SIPA1L3: variants seen among roughly 807,000 people sequenced by gnomAD.
SIPA1L3 encodes signal-induced proliferation-associated 1-like protein 3.
Under a neutral mutation model 150.1 loss-of-function variants are expected in SIPA1L3, and 59 were observed. The observed-to-expected ratio is 0.39, with a 90% CI of 0.32 to 0.49. The LOEUF (loss-of-function observed/expected upper bound fraction) is 0.49. Ranked by LOEUF, SIPA1L3 falls within the 20% of genes least tolerant of loss-of-function variation. The pLI, the probability that SIPA1L3 is intolerant of heterozygous loss-of-function variation, is 0.86. For synonymous variants in SIPA1L3, 1,070 were observed against 1,077.6 expected, an observed-to-expected ratio of 0.99 and a Z score of 0.14; for missense variants, 2,211 against 2,489.5, an observed-to-expected ratio of 0.89 and a Z score of 2.38.
intron 2 of SIPA1L3, among the ~76,000 whole-genome samples, chr19:38,053,813 G>A (rs75523208): frequency 0.06 from 9,160 of 151,904 alleles, 952 homozygotes; most frequent in African/African-American, 0.2. Flanking sequence ...TGATCCTCTC[G>A]CCGTGGCCTC....
chr19:38,121,752 T>C (rs28838321), intron 9 of SIPA1L3, among the ~76,000 whole-genome samples: 2 of 124,502 alleles, frequency 1.6e-5, no homozygotes, highest in East Asian at 2.2e-4. Context: ...AAAAAATAAA[T>C]AAACAAACAA....
chr19:38,149,487 A>G (rs1429685075), intron 12 of SIPA1L3, among the ~76,000 whole-genome samples: 1 of 152,228 alleles, frequency 6.6e-6, no homozygotes, highest in Non-Finnish European at 1.5e-5. Context: ...AAGGTAAAAT[A>G]TGCCCAACTA....
chr19:38,135,658 T>A (rs1971420001), intron 10 of SIPA1L3, among the ~76,000 whole-genome samples: 1 of 152,160 alleles, frequency 6.6e-6, no homozygotes, highest in African/African-American at 2.4e-5. Flanking sequence ...AGAGGAGTTC[T>A]TCTCCCTGCC....
At chr19:38,153,077 CAAAAG>C in intron 13 of SIPA1L3, 110 bp downstream of exon 13, 1 of 1,370,056 alleles carries the variant, frequency 7.3e-7, no homozygotes, top group Non-Finnish European at 9.7e-7. Context: ...GGATAAAACA[CAAAAG>C]AAAGCTGTAA....
At chr19:38,002,124 C>T (rs1415192672) in intron 1 of SIPA1L3, among the ~76,000 whole-genome samples, 1 of 152,194 alleles carries the variant, frequency 6.6e-6, no homozygotes, top group African/African-American at 2.4e-5. Flanking sequence ...CATGGTTGTG[C>T]ATCCATCATC....
At chr19:38,086,781 C>T (rs575835643) in intron 3 of SIPA1L3, among the ~76,000 whole-genome samples, 1 of 152,270 alleles carries the variant, frequency 6.6e-6, no homozygotes, top group Non-Finnish European at 1.5e-5. Context: ...CGGAGTCTGG[C>T]AGTAGGGAAG....
chr19:38,100,043 A>C lies in SIPA1L3; in HGVS notation c.1747A>C (p.Lys583Gln). The change falls in exon 5 of 22, where the codon AAG becomes CAG. Residue 583 changes from lysine (K) to glutamine (Q), a missense_variant. Around this residue, in one of 5 missense-constraint regions of SIPA1L3, gnomAD observed 625 missense variants for 804.2 expected, o/e 0.78. Coordinates refer to ENST00000222345, the MANE Select transcript of SIPA1L3 (RefSeq NM_015073.3). ...KHGTGRGLPL[K>Q]DALEYVIPEL... The stretch of plus-strand genomic sequence containing the variant: ...TGGGACCGGGCGGGGCCTGCCCTTG[A>C]AGGATGCCCTGGAGTATGTCATCCC... 4 of 1,612,730 alleles carry C rather than the reference A, an allele frequency of 2.5e-6. No individual in the cohort carries two copies. The highest frequency in any genetic ancestry group is 3.4e-6 in the Non-Finnish European group (4 of 1,179,496).
In SIPA1L3 at chr19:38,100,054, G is replaced by A. The variant is rs769136394; in HGVS notation, c.1758G>A (p.Leu586=). Residue 586 remains leucine, a synonymous_variant, in exon 5 of 22, where the codon CTG becomes CTA. Coordinates refer to ENST00000222345, the MANE Select transcript of SIPA1L3 (RefSeq NM_015073.3). ...GGGGCCTGCCCTTGAAGGATGCCCT[G>A]GAGTATGTCATCCCCGAGCTCAACA... ...TGRGLPLKDA[L]EYVIPELNIH... 5.0e-6 allele frequency: 8 copies of A among 1,612,696 alleles called. No homozygotes were observed. The highest frequency in any genetic ancestry group is 8.5e-7 in the Non-Finnish European group (1 of 1,179,482).
chr19:38,067,168 G>A (rs996396671), intron 2 of SIPA1L3, among the ~76,000 whole-genome samples: 2 of 152,218 alleles, frequency 1.3e-5, no homozygotes, highest in Admixed American at 6.5e-5. Flanking sequence ...GAGCCCAGGA[G>A]GTTGAGGATG....
intron 4 of SIPA1L3, among the ~76,000 whole-genome samples, chr19:38,092,662 C>G (rs73630883): frequency 6.6e-6 from 1 of 152,126 alleles, no homozygotes; most frequent in East Asian, 1.9e-4. Context: ...AGCGTTCCCC[C>G]GTCCCAGCTC....
chr19:38,071,201 TTATC>T (rs60942211), intron 2 of SIPA1L3, among the ~76,000 whole-genome samples: 46,077 of 141,890 alleles, frequency 0.32, 7,487 homozygotes, highest in Middle Eastern at 0.35. Context: ...TTATGTTGTT[TTATC>T]TATCTATCTA....
Position 38,059,311 on chromosome 19 carries a change from A to ATTTT in SIPA1L3, c.-310-21927_-310-21924dup, listed in dbSNP as rs35717284. The stretch of plus-strand genomic sequence containing the variant: ...CCACCATGCCCAGCAAACAGCTGAG[A>ATTTT]TTTTTTTTTTTTTTTTTTTTTGAGA... On this transcript the variant is annotated intron_variant, in intron 2 of 21. Coordinates refer to ENST00000222345, the MANE Select transcript of SIPA1L3 (RefSeq NM_015073.3). 1.8e-4 allele frequency among the ~76,000 whole-genome samples: 20 copies of ATTTT among 113,912 alleles called. 1 individual carries two copies. Among genetic ancestry groups the ATTTT allele is most frequent in the Non-Finnish European group, 2.3e-4 (13 of 57,126 alleles). The allele number at this position is 113,912 out of a possible 152,430, so 74.7% of individuals were successfully genotyped here. A position where few individuals can be genotyped will look rare whatever the true frequency, so the allele number is the denominator to read the frequency against.
intron 4 of SIPA1L3, among the ~76,000 whole-genome samples, chr19:38,090,203 A>G (rs1970229378): frequency 6.6e-6 from 1 of 151,806 alleles, no homozygotes; most frequent in Admixed American, 6.6e-5. Flanking sequence ...GGTGGCAGGC[A>G]CCTGTAATCC....
chr19:37,935,613 G>A (rs2046593675), intron 1 of SIPA1L3, among the ~76,000 whole-genome samples: 1 of 152,174 alleles, frequency 6.6e-6, no homozygotes, highest in Non-Finnish European at 1.5e-5. Flanking sequence ...TCAGAGGGTG[G>A]ATGGGGTTGG....
In SIPA1L3 at chr19:38,124,581, C is replaced by T. The variant is rs1216696925; in HGVS notation, c.2868+4699C>T. On this transcript the variant is annotated intron_variant, in intron 9 of 21. Transcript: ENST00000222345. The stretch of plus-strand genomic sequence containing the variant: ...GATGGGCGGCCAGGCAGAGACGCTC[C>T]TCACTTCCCAGACGGGGTGGCGGCC... Among the ~76,000 whole-genome samples, 372 of 151,962 alleles carry T rather than the reference C, an allele frequency of 2.4e-3. 2 individuals carry two copies. Among genetic ancestry groups the T allele is most frequent in the African/African-American group, 8.8e-3 (361 of 41,230 alleles).
At chr19:38,000,876 TTTATATATATATATATG>T (rs1967768124) in intron 1 of SIPA1L3, among the ~76,000 whole-genome samples, 3 of 130,716 alleles carry the variant, frequency 2.3e-5, no homozygotes, top group South Asian at 2.5e-4. Flanking sequence ...TTCCAAGTTT[TTTATATATATATATATG>T]TTATATATAT....
chr19:38,077,069 G>C (rs777646404), intron 2 of SIPA1L3, among the ~76,000 whole-genome samples: 5 of 152,200 alleles, frequency 3.3e-5, no homozygotes, highest in Non-Finnish European at 7.3e-5. Flanking sequence ...ATTTTAGAAA[G>C]AGTATGGCTT....
intron 3 of SIPA1L3, among the ~76,000 whole-genome samples, chr19:38,086,609 A>G (rs1411542889): frequency 1.3e-5 from 2 of 152,076 alleles, no homozygotes; most frequent in African/African-American, 4.8e-5. Context: ...CTTCAGCCCT[A>G]GAGGCAGAGG....
In SIPA1L3 at chr19:38,138,909, A is replaced by AC. The variant is rs200804898; in HGVS notation, c.3144-2275_3144-2274insC. Among the ~76,000 whole-genome samples the AC allele has an allele frequency of 1.8e-3, 254 of 145,102 alleles. 17 individuals carry two copies. The highest frequency in any genetic ancestry group is 3.2e-3 in the Admixed American group (46 of 14,294). On this transcript the variant is annotated intron_variant, in intron 10 of 21. Transcript: ENST00000222345. ...CGAGACTCTATCTCAAAAAAAAAAA[A>AC]AAAAAACTGAGTGTGGTGGCTCACG...
Sources: gnomAD v4.1 joint callset for allele counts (sites outside exome capture counted in the v4.1 genomes callset) on GRCh38, gnomAD v4.1.1 for gene constraint, gnomAD v4.1.1 regional missense constraint, MANE v1.5 for transcripts, NCBI Gene and HGNC (gene_info 2026-07-23, HGNC 2026-07-21) for gene names.